The following KANK3 variants were observed in gnomAD, a reference collection of about 807,000 sequenced individuals.
The protein encoded by KANK3 is KN motif and ankyrin repeat domains 3.
KANK3 carries 61 observed loss-of-function variants against 65.4 expected under a neutral mutation model. That is an observed-to-expected ratio of 0.93 (90% CI 0.76 to 1.15). The LOEUF (loss-of-function observed/expected upper bound fraction) is 1.15. KANK3 is among the 50% of genes most tolerant of loss of function. KANK3 has a pLI of 0.00. For synonymous variants in KANK3, 586 were observed against 543.3 expected (o/e 1.08, Z -1.09); for missense variants, 1,187 against 1,178.8 (o/e 1.01, Z -0.10).
chr19:8,326,961 CTG>C (rs1168957826), intron 7 of KANK3, among the ~76,000 whole-genome samples: 2 of 152,176 alleles, frequency 1.3e-5, no homozygotes, highest in African/African-American at 4.8e-5. Flanking sequence ...TCAGTTTCCT[CTG>C]GGATCAGTTC....
At chr19:8,336,403 C>G (rs1970638093) in intron 2 of KANK3, among the ~76,000 whole-genome samples, 1 of 149,590 alleles carries the variant, frequency 6.7e-6, no homozygotes, top group African/African-American at 2.5e-5. Context: ...CACCAATGCA[C>G]TCCAGCCTGG....
chr19:8,334,355 G>A lies in KANK3; in HGVS notation c.1392C>T (p.Pro464=), dbSNP rs1057024770. Reference sequence around the variant, plus strand: ...GGACCCCAACAAACTGCAGGCTCTTGGGTCCGGAGCTGGGTTGGGCACCAG... The same window carrying A: ...GGACCCCAACAAACTGCAGGCTCTTAGGTCCGGAGCTGGGTTGGGCACCAG... The part of the protein sequence containing the change: ...GTPGAQPSSG[P]KSLQFVGVLN... Residue 464 remains proline, a synonymous_variant, in exon 4 of 11, where the codon CCC becomes CCT. Transcript: ENST00000330915. 4.3e-6 allele frequency: 7 copies of A among 1,614,024 alleles called. No individual in the cohort carries two copies. The highest frequency in any genetic ancestry group is 1.3e-5 in the African/African-American group (1 of 74,954).
chr19:8,338,748 G>T (rs1017519784), intron 1 of KANK3, among the ~76,000 whole-genome samples: 1 of 151,834 alleles, frequency 6.6e-6, no homozygotes, highest in Middle Eastern at 3.4e-3. Context: ...GGTGGCAGGC[G>T]CCTGTAGTCC....
intron 2 of KANK3, 75 bp downstream of exon 2, chr19:8,337,720 G>A (rs923075358): frequency 1.9e-5 from 29 of 1,543,464 alleles, no homozygotes; most frequent in African/African-American, 4.1e-5. Context: ...TGTAGGCTGC[G>A]TCCACACACA....
chr19:8,325,296 C>CT (rs573315741), intron 7 of KANK3, among the ~76,000 whole-genome samples, 200 bp from the exon 8 acceptor site: 1,171 of 78,590 alleles, frequency 0.015, 144 homozygotes, highest in South Asian at 0.12. Flanking sequence ...CCTGTTTCAT[C>CT]TTTTTTTTTT....
At chr19:8,327,127 C>A (rs191249559) in intron 7 of KANK3, among the ~76,000 whole-genome samples, 1 of 151,912 alleles carries the variant, frequency 6.6e-6, no homozygotes, top group Admixed American at 6.6e-5. Context: ...GGAGCGGGGT[C>A]GGGGTCATGA....
chr19:8,333,823 A>G lies in KANK3; in HGVS notation c.1635-15T>C, dbSNP rs1390405207. 7 of 1,545,946 alleles carry G rather than the reference A, an allele frequency of 4.5e-6. No homozygotes were observed. Among genetic ancestry groups the G allele is most frequent in the Non-Finnish European group, 5.2e-6 (6 of 1,145,022 alleles). On this transcript the variant is annotated splice_polypyrimidine_tract_variant and intron_variant, in intron 5 of 10. Coordinates refer to ENST00000330915, the MANE Select transcript of KANK3 (RefSeq NM_198471.3). The surrounding 1 kb of genome is among the most constrained non-coding windows in gnomAD (Gnocchi z 5.0). ...TCAGCTCGCACCTGCAGAGGAGGCC[A>G]GGAGAGACTCAGGATGGATCGGGGA...
intron 1 of KANK3, among the ~76,000 whole-genome samples, chr19:8,341,814 G>C (rs1414482206): frequency 2.6e-5 from 4 of 152,080 alleles, no homozygotes; most frequent in Non-Finnish European, 5.9e-5. Flanking sequence ...TAAAATCCTA[G>C]CTAAATCCAC....
intron 9 of KANK3, 27 bp from the exon 10 acceptor site, chr19:8,324,574 C>T (rs1970385204): frequency 6.2e-7 from 1 of 1,612,982 alleles, no homozygotes; most frequent in Non-Finnish European, 8.5e-7. Context: ...ACAGTCAGAT[C>T]CCTGAGCCAA....
intron 1 of KANK3, among the ~76,000 whole-genome samples, 162 bp downstream of exon 1, chr19:8,343,063 A>G (rs1235975343): frequency 6.6e-6 from 1 of 152,232 alleles, no homozygotes; most frequent in Non-Finnish European, 1.5e-5. Flanking sequence ...GGGACTTCCA[A>G]TGTGGGAGGG....
chr19:8,332,989 C>A, intron 7 of KANK3, 25 bp downstream of exon 7: 7 of 389,630 alleles, frequency 1.8e-5, no homozygotes, highest in Admixed American at 3.4e-5. Context: ...TCCTGGTGTC[C>A]CACCCACCCT....
Position 8,325,043 on chromosome 19 carries a change from C to G in KANK3, c.1990G>C (p.Ala664Pro). 1 of 1,613,984 alleles carries G rather than the reference C, an allele frequency of 6.2e-7. No homozygotes were observed. The highest frequency in any genetic ancestry group is 8.5e-7 in the Non-Finnish European group (1 of 1,180,038). ...TCCTGCCTCACAGAGGTGAGTGCAG[C>G]CAGCATGAGGGCCGAGTAGCCGGCT... ...NRAGYSALMLAALTSVRQEEE... is the reference protein window; with the variant it reads ...NRAGYSALMLPALTSVRQEEE... Residue 664 changes from alanine to proline, a missense_variant, in exon 8 of 11, where the codon GCT becomes CCT. By Grantham distance (27) the Ala-to-Pro change is conservative (BLOSUM62 -1). Around this residue, in one of 3 missense-constraint regions of KANK3, gnomAD observed 1,078 missense variants for 1,038.2 expected, o/e 1.04. Transcript: ENST00000330915.
chr19:8,324,790 C>T lies in KANK3; in HGVS notation c.2123G>A (p.Arg708Gln), dbSNP rs780891019. The change falls in exon 9 of 11, where the codon CGA becomes CAA. Residue 708 changes from arginine (R) to glutamine (Q), a missense_variant. Physicochemically the swap from Arg to Gln is conservative, Grantham distance 43. Coordinates refer to ENST00000330915, the MANE Select transcript of KANK3 (RefSeq NM_198471.3). ...TALMLAISHG[R>Q]QDMVATLLAC... ...CAGTAGGGTTGCCACCATGTCCTGT[C>T]GGCCATGGCTGATGGCCAGCATGAG... 31 of 1,613,546 alleles carry T rather than the reference C, an allele frequency of 1.9e-5. No individual in the cohort carries two copies. The highest frequency in any genetic ancestry group is 1.3e-4 in the South Asian group (12 of 91,086).
chr19:8,340,113 A>G (rs370654757), intron 1 of KANK3, among the ~76,000 whole-genome samples: 2 of 151,400 alleles, frequency 1.3e-5, no homozygotes, highest in African/African-American at 2.4e-5. Flanking sequence ...TGTCATCGCC[A>G]TAGCTGGACA....
At chr19:8,331,101 G>A (rs1970515616) in intron 7 of KANK3, among the ~76,000 whole-genome samples, 2 of 148,932 alleles carry the variant, frequency 1.3e-5, no homozygotes, top group South Asian at 2.1e-4. Context: ...GCTGAGGCAG[G>A]AGAATGGCGT....
intron 1 of KANK3, among the ~76,000 whole-genome samples, chr19:8,342,035 C>T (rs1970728337): frequency 6.6e-6 from 1 of 152,184 alleles, no homozygotes; most frequent in African/African-American, 2.4e-5. Flanking sequence ...TCTCTGTCAC[C>T]CAGGCTGGAG....
rs1305477632 is a variant in KANK3, at chr19:8,335,375, GGC to G, written c.450_451del (p.Pro151GlnfsTer21). 1.7e-6 allele frequency: 2 copies of G among 1,197,610 alleles called. No homozygotes were observed. Among genetic ancestry groups the G allele is most frequent in the Non-Finnish European group, 2.1e-6 (2 of 966,398 alleles). 74.2% of individuals were successfully genotyped at this position (1,197,610 alleles called of 1,614,324 possible). On this transcript the variant is annotated frameshift_variant, in exon 3 of 11. Transcript: ENST00000330915. LOFTEE classifies it high-confidence loss of function. ...GCGCGGGACCCCGCGGCCGGGGCTG[GGC>G]GCGCGCTCGTGTGTCTGCGCCAGCT...
intron 7 of KANK3, among the ~76,000 whole-genome samples, chr19:8,330,164 T>A (rs751704571): frequency 7.2e-5 from 11 of 152,086 alleles, no homozygotes; most frequent in Non-Finnish European, 1.3e-4. Context: ...CCCACGTACC[T>A]CCAGACTCTG....
chr19:8,323,780 AC>A lies in KANK3; in HGVS notation c.2382+668del, dbSNP rs531366430. Among the ~76,000 whole-genome samples, 5 of 152,274 alleles carry A rather than the reference AC, an allele frequency of 3.3e-5. 1 individual carries two copies. The South Asian group carries it at 1.0e-3, about 32-fold the overall frequency. On this transcript the variant is annotated intron_variant, in intron 10 of 10. Transcript: ENST00000330915. ...GTGGAGCCATGGTAAATTGGGGTCAACCTGTACAGGATGAGTGGGCTGATTA... is the reference window on the plus strand; with the variant it reads ...GTGGAGCCATGGTAAATTGGGGTCAACTGTACAGGATGAGTGGGCTGATTA...
Sources: allele counts gnomAD v4.1 joint callset (sites outside exome capture counted in the v4.1 genomes callset), GRCh38; gene constraint gnomAD v4.1.1; regional missense constraint gnomAD v4.1.1; non-coding constraint Gnocchi (gnomAD v3.1); transcripts MANE v1.5; gene names NCBI Gene and HGNC (gene_info 2026-07-23, HGNC 2026-07-21).